Variants in LCORL observed in about 807,000 individuals in gnomAD.
The protein encoded by LCORL is ligand dependent nuclear receptor corepressor like.
In LCORL, 41 loss-of-function variants were observed where a neutral mutation model predicts 141.8. That is an observed-to-expected ratio of 0.29 (90% confidence interval 0.23 to 0.38). The LOEUF (loss-of-function observed/expected upper bound fraction) is 0.38, where lower values mean the gene tolerates loss of function less well. Among genes scored for constraint, LCORL ranks in the 10% least tolerant of loss-of-function variants. The probability of loss-of-function intolerance (pLI) is 1.00; values close to 1 mark genes in which losing one functional copy is unlikely to be tolerated. For missense variants in LCORL, 1,759 were observed against 2,035.0 expected (o/e 0.86, Z 2.61); for synonymous variants, 618 against 694.1 (o/e 0.89, Z 1.72).
chr4:17,883,074 A>T, intron 6 of LCORL: 1 of 973,834 alleles, frequency 1.0e-6, no homozygotes, highest in Non-Finnish European at 1.2e-6. Context: ...CTTCTTGCTA[A>T]ATCAACTATT....
At chr4:17,898,090 A>T (rs1018476919) in intron 5 of LCORL, among the ~76,000 whole-genome samples, 2 of 152,116 alleles carry the variant, frequency 1.3e-5, no homozygotes, top group African/African-American at 4.8e-5. Flanking sequence ...TTTCATAATG[A>T]TGTTAACATG....
At chr4:17,958,481 G>A (rs1312253015) in intron 4 of LCORL, among the ~76,000 whole-genome samples, 1 of 151,846 alleles carries the variant, frequency 6.6e-6, no homozygotes, top group East Asian at 1.9e-4. Flanking sequence ...CAGGTGATTA[G>A]AGAATCTGCA....
chr4:17,943,845 G>C (rs750516319), intron 4 of LCORL, among the ~76,000 whole-genome samples: 4 of 152,092 alleles, frequency 2.6e-5, no homozygotes, highest in Non-Finnish European at 5.9e-5. Flanking sequence ...ATTATCATAA[G>C]AATCCATACC....
intron 1 of LCORL, among the ~76,000 whole-genome samples, chr4:17,975,180 C>T (rs1320762978): frequency 2.0e-5 from 3 of 151,744 alleles, no homozygotes; most frequent in South Asian, 4.2e-4. Context: ...TATTTGAGAC[C>T]TTTGTTCTTT....
intron 7 of LCORL, among the ~76,000 whole-genome samples, chr4:17,865,228 AG>A (rs746955568): frequency 5.3e-5 from 8 of 152,234 alleles, no homozygotes; most frequent in Admixed American, 1.3e-4. Flanking sequence ...ACATTTACTT[AG>A]ATTTGCATAG....
intron 7 of LCORL, among the ~76,000 whole-genome samples, chr4:17,850,563 C>T (rs1220918149): frequency 3.9e-5 from 6 of 152,206 alleles, no homozygotes; most frequent in Admixed American, 3.3e-4. Flanking sequence ...AAATGCAAAT[C>T]AAAACCAGAA....
chr4:17,881,841 T>C (rs1341012772), intron 6 of LCORL: 67 of 984,064 alleles, frequency 6.8e-5, no homozygotes, highest in Non-Finnish European at 7.6e-5. Context: ...CCTTTAACTT[T>C]GCTTTCCATT....
Position 17,893,307 on chromosome 4 carries a change from C to T in LCORL, c.683-7146G>A, listed in dbSNP as rs182141626. On this transcript the variant is annotated intron_variant, in intron 5 of 7. Coordinates refer to ENST00000635767, the Ensembl canonical transcript of LCORL. ...TAAGATTGAGTTTAAAACCTTAGCTCAAGAATGTTTATTTATATATACAAG... is the reference window on the plus strand; with the variant it reads ...TAAGATTGAGTTTAAAACCTTAGCTTAAGAATGTTTATTTATATATACAAG... The T allele has an allele frequency of 9.7e-5, 82 of 845,838 alleles. No homozygotes were observed. In the African/African-American group the frequency reaches 1.4e-3, roughly 15 times the overall value. 52.4% of individuals were successfully genotyped at this position (845,838 alleles called of 1,614,324 possible). A position where few individuals can be genotyped will look rare whatever the true frequency, so the allele number is the denominator to read the frequency against.
chr4:18,001,631 G>A (rs1178124819), intron 1 of LCORL, among the ~76,000 whole-genome samples: 3 of 152,160 alleles, frequency 2.0e-5, no homozygotes, highest in Non-Finnish European at 4.4e-5. Flanking sequence ...AGAAAGAATG[G>A]AAGACAGAGA....
intron 1 of LCORL, among the ~76,000 whole-genome samples, chr4:18,005,317 C>T (rs1042158505): frequency 2.0e-5 from 3 of 152,168 alleles, no homozygotes; most frequent in East Asian, 1.9e-4. Context: ...GCAGCTCTGC[C>T]CCTGTGGCTC....
rs1727636556 is a variant in LCORL at position 17,881,998 on chromosome 4, G to A, written c.777-3785C>T. ...TTGGGGTGAAAAAAAAAAAAAAGAG[G>A]ATTCATACCCTAGTGTGCAGGTAAC... On this transcript the variant is annotated intron_variant, in intron 6 of 7. Coordinates refer to ENST00000635767, the Ensembl canonical transcript of LCORL. 6 of 971,690 alleles carry A rather than the reference G, an allele frequency of 6.2e-6. No homozygotes were observed. In the South Asian group the frequency reaches 2.9e-4, roughly 46 times the overall value. The allele number at this position is 971,690 out of a possible 1,614,324, so 60.2% of individuals were successfully genotyped here.
At chr4:17,842,350 G>T (rs760591146) in exon 8 of LCORL, 19 of 1,612,202 alleles carry the variant, frequency 1.2e-5, no homozygotes, top group Non-Finnish European at 1.4e-5. Context: ...CGAACAGGAG[G>T]TGTCAGACTG....
chr4:17,957,034 G>A (rs147105206), intron 4 of LCORL, among the ~76,000 whole-genome samples: 305 of 151,994 alleles, frequency 2.0e-3, no homozygotes, highest in African/African-American at 6.8e-3. Flanking sequence ...ATAGGAATGT[G>A]GGAAAAGGTG....
intron 6 of LCORL, chr4:17,882,052 A>AT: frequency 1.0e-6 from 1 of 983,760 alleles, no homozygotes; most frequent in Middle Eastern, 5.2e-4. Context: ...TTAAGTATAG[A>AT]TCTCAGAGAC....
intron 1 of LCORL, among the ~76,000 whole-genome samples, chr4:17,994,631 C>T (rs1003587762): frequency 3.3e-5 from 5 of 152,138 alleles, no homozygotes; most frequent in Non-Finnish European, 7.4e-5. Context: ...ACTTCATCAC[C>T]TGTAATTTTT....
intron 4 of LCORL, among the ~76,000 whole-genome samples, chr4:17,947,693 T>G (rs1218971467): frequency 6.6e-6 from 1 of 151,944 alleles, no homozygotes; most frequent in African/African-American, 2.4e-5. Flanking sequence ...CAATTTACAA[T>G]AAGAACATTT....
chr4:18,019,311 C>A (rs558364962), intron 1 of LCORL, among the ~76,000 whole-genome samples: 1 of 152,220 alleles, frequency 6.6e-6, no homozygotes, highest in East Asian at 1.9e-4. Flanking sequence ...TACACTCCAG[C>A]CTGGGCGACA....
At chr4:17,883,317 C>T (rs1022392548) in intron 6 of LCORL, 31 of 995,078 alleles carry the variant, frequency 3.1e-5, no homozygotes, top group African/African-American at 8.7e-5. Flanking sequence ...CTATGAATAT[C>T]ATATTTCCAT....
Position 17,976,208 on chromosome 4 carries a change from C to G in LCORL, c.155-3323G>C, listed in dbSNP as rs574498673. ...GTTGAATCTTGCATTTTTATTCAGTCTGAAAATATCTGTTTTTTGAGGACA... is the reference window on the plus strand; with the variant it reads ...GTTGAATCTTGCATTTTTATTCAGTGTGAAAATATCTGTTTTTTGAGGACA... On this transcript the variant is annotated intron_variant, in intron 1 of 7. Coordinates refer to ENST00000635767, the Ensembl canonical transcript of LCORL. Among the ~76,000 whole-genome samples, 5 of 152,178 alleles carry G rather than the reference C, an allele frequency of 3.3e-5. No individual in the cohort carries two copies. The East Asian group carries it at 7.7e-4, about 23-fold the overall frequency.
Sources: gnomAD v4.1 joint callset for allele counts (sites outside exome capture counted in the v4.1 genomes callset) on GRCh38, gnomAD v4.1.1 for gene constraint, MANE v1.5 for transcripts, NCBI Gene and HGNC (gene_info 2026-07-23, HGNC 2026-07-21) for gene names.